Variants in PTPRJ observed in about 807,000 individuals in gnomAD.
The protein encoded by PTPRJ is receptor-type tyrosine-protein phosphatase eta.
Under a neutral mutation model 141.3 loss-of-function variants are expected in PTPRJ, and 129 were observed. That is an observed-to-expected ratio of 0.91 (90% confidence interval 0.79 to 1.06). PTPRJ has a LOEUF of 1.06. Among genes scored for constraint, PTPRJ ranks in the 50% least tolerant of loss-of-function variants. The pLI is 0.00. For missense variants in PTPRJ, 1,601 were observed against 1,679.7 expected (o/e 0.95, Z 0.82); for synonymous variants, 610 against 640.5 (o/e 0.95, Z 0.72).
intron 1 of PTPRJ, among the ~76,000 whole-genome samples, chr11:48,094,285 T>C (rs10742829): frequency 0.71 from 108,046 of 152,098 alleles, 39,890 homozygotes; most frequent in South Asian, 0.84. Context: ...AGAGTGCCAC[T>C]AAGCAACCTT....
At chr11:48,150,484 G>C (rs1180006572) in intron 18 of PTPRJ, among the ~76,000 whole-genome samples, 1 of 152,182 alleles carries the variant, frequency 6.6e-6, no homozygotes, top group Non-Finnish European at 1.5e-5. Context: ...GTCTACCTTG[G>C]ACTACTCCTG....
At chr11:48,028,201 G>A (rs1186155886) in intron 1 of PTPRJ, among the ~76,000 whole-genome samples, 3 of 152,180 alleles carry the variant, frequency 2.0e-5, no homozygotes, top group Non-Finnish European at 2.9e-5. Context: ...ACTGAAAGAC[G>A]TTTCTCTGAC....
Position 47,980,632 on chromosome 11 carries a change from G to C in PTPRJ, c.-281G>C. The C allele has an allele frequency of 5.1e-6, 5 of 983,964 alleles. No individual in the cohort carries two copies. The highest frequency in any genetic ancestry group is 6.0e-6 in the Non-Finnish European group (5 of 829,958). 61.0% of individuals were successfully genotyped at this position (983,964 alleles called of 1,614,324 possible). ...AGCCGGGACCGGGTAGCCGCGCGCT[G>C]GGGGTGGGCGCCGCTCGCTCCGCCC... On this transcript the variant is annotated 5_prime_UTR_variant, in exon 1 of 25. Coordinates refer to ENST00000418331, the MANE Select transcript of PTPRJ (RefSeq NM_002843.4).
At chr11:47,988,428 C>T (rs1854106902) in intron 1 of PTPRJ, among the ~76,000 whole-genome samples, 1 of 151,910 alleles carries the variant, frequency 6.6e-6, no homozygotes, top group South Asian at 2.1e-4. Context: ...TCACTGCAGC[C>T]TCTGCCTCCT....
At chr11:47,996,208 G>A (rs994855208) in intron 1 of PTPRJ, among the ~76,000 whole-genome samples, 1 of 151,760 alleles carries the variant, frequency 6.6e-6, no homozygotes, top group Non-Finnish European at 1.5e-5. Context: ...GGTGGTGGGT[G>A]CATGTAGTCC....
intron 23 of PTPRJ, among the ~76,000 whole-genome samples, chr11:48,163,986 C>A (rs745448530): frequency 6.6e-6 from 1 of 152,158 alleles, no homozygotes; most frequent in Non-Finnish European, 1.5e-5. Context: ...AGTTTGCCAA[C>A]CCCTAACAAT....
At chr11:47,995,303 A>G (rs992440295) in intron 1 of PTPRJ, among the ~76,000 whole-genome samples, 5 of 152,358 alleles carry the variant, frequency 3.3e-5, no homozygotes, top group South Asian at 2.1e-4. Flanking sequence ...ATTTAATCCT[A>G]TGACGTAGGT....
At position 48,136,190 on chromosome 11, in the gene PTPRJ, A is replaced by G; in HGVS notation, c.1767A>G (p.Lys589=). The change falls in exon 9 of 25, where the codon AAA becomes AAG. Residue 589 remains lysine (K), a synonymous_variant. Transcript: ENST00000418331. ...HGSNHTSTYD[K]AITLQGLIPG... ...CTAACCACACAAGCACGTATGACAAAGCGATTACTCTCCAGGGCCTGATTC... is the reference window on the plus strand; with the variant it reads ...CTAACCACACAAGCACGTATGACAAGGCGATTACTCTCCAGGGCCTGATTC... 2.5e-6 allele frequency: 4 copies of G among 1,614,204 alleles called. No homozygotes were observed. The highest frequency in any genetic ancestry group is 2.2e-5 in the South Asian group (2 of 91,088).
intron 4 of PTPRJ, 104 bp downstream of exon 4, chr11:48,121,370 A>G: frequency 7.8e-7 from 1 of 1,277,998 alleles, no homozygotes; most frequent in Admixed American, 2.2e-5. Context: ...AATGGTTTTC[A>G]TAAACTAGAA....
intron 1 of PTPRJ, among the ~76,000 whole-genome samples, chr11:48,040,390 C>A (rs1366794142): frequency 6.6e-6 from 1 of 152,204 alleles, no homozygotes; most frequent in Non-Finnish European, 1.5e-5. Flanking sequence ...ACAGCTTTGA[C>A]AGGGATTCCA....
intron 1 of PTPRJ, among the ~76,000 whole-genome samples, chr11:48,022,207 TA>T (rs34650836): frequency 0.41 from 61,825 of 152,000 alleles, 17,853 homozygotes; most frequent in African/African-American, 0.83. Flanking sequence ...CTCATGCCTG[TA>T]AATCCTAGCA....
intron 1 of PTPRJ, among the ~76,000 whole-genome samples, chr11:48,050,613 A>G (rs1854540470): frequency 6.6e-6 from 1 of 152,072 alleles, no homozygotes; most frequent in African/African-American, 2.4e-5. Context: ...CTGAGCCTTT[A>G]TTTGGAGAGT....
At position 47,980,711 on chromosome 11, in the gene PTPRJ, G is replaced by C; in HGVS notation, c.-202G>C. 1 of 997,640 alleles carries C rather than the reference G, an allele frequency of 1.0e-6. No homozygotes were observed. The highest frequency in any genetic ancestry group is 1.2e-6 in the Non-Finnish European group (1 of 839,682). The allele number at this position is 997,640 out of a possible 1,614,324, so 61.8% of individuals were successfully genotyped here. ...GGCCCCCCCGCGGCAGCCGCGCTAG[G>C]CTCCGGCGTGTGGCCGCGGCCGCCG... On this transcript the variant is annotated 5_prime_UTR_variant, in exon 1 of 25. Transcript: ENST00000418331.
chr11:48,046,574 G>C (rs1370154345), intron 1 of PTPRJ, among the ~76,000 whole-genome samples: 1 of 152,154 alleles, frequency 6.6e-6, no homozygotes, highest in African/African-American at 2.4e-5. Context: ...TGAGAGTCTG[G>C]GGATAAAGAT....
intron 15 of PTPRJ, 119 bp from the exon 16 acceptor site, chr11:48,149,328 T>C: frequency 2.8e-6 from 2 of 719,772 alleles, no homozygotes; most frequent in South Asian, 3.5e-5. Context: ...TGTGAACTAA[T>C]GCCTGAGGAA....
chr11:48,112,629 G>A, intron 2 of PTPRJ, 118 bp from the exon 3 acceptor site: 2 of 755,600 alleles, frequency 2.6e-6, no homozygotes, highest in Non-Finnish European at 4.5e-6. Flanking sequence ...AAGAGAAAGA[G>A]AGGGATCAGT....
At chr11:48,140,137 T>A (rs1459515769) in intron 11 of PTPRJ, among the ~76,000 whole-genome samples, 1 of 152,070 alleles carries the variant, frequency 6.6e-6, no homozygotes, top group Non-Finnish European at 1.5e-5. Flanking sequence ...TGGGTTCAAG[T>A]GATTTTGGTG....
chr11:47,980,599 G>T lies in PTPRJ; in HGVS notation c.-314G>T, dbSNP rs1463152508. 1.0e-5 allele frequency: 10 copies of T among 983,182 alleles called. No individual in the cohort carries two copies. Among genetic ancestry groups the T allele is most frequent in the Admixed American group, 6.2e-5 (1 of 16,048 alleles). The allele number at this position is 983,182 out of a possible 1,614,324, so 60.9% of individuals were successfully genotyped here. A position where few individuals can be genotyped will look rare whatever the true frequency, so the allele number is the denominator to read the frequency against. On this transcript the variant is annotated 5_prime_UTR_variant, in exon 1 of 25. Coordinates refer to ENST00000418331, the MANE Select transcript of PTPRJ (RefSeq NM_002843.4). ...ACGCGCGGAGGAGGCAGCGGGAGCA[G>T]CCGCGGGAGCCGGGACCGGGTAGCC...
In PTPRJ at chr11:48,168,772, T is replaced by C. The variant is rs1857987275; in HGVS notation, c.*1410T>C. The C allele has an allele frequency of 2.0e-5, 3 of 151,538 alleles. No homozygotes were observed. The South Asian group carries it at 6.3e-4, about 32-fold the overall frequency. The allele number at this position is 151,538 out of a possible 1,614,324, so 9.4% of individuals were successfully genotyped here. ...GTATCCACCAAGAATTTCAAATTTATGTGGATTTATTTTATTGGTACATAA... is the reference window on the plus strand; with the variant it reads ...GTATCCACCAAGAATTTCAAATTTACGTGGATTTATTTTATTGGTACATAA... On this transcript the variant is annotated 3_prime_UTR_variant, in exon 25 of 25. Coordinates refer to ENST00000418331, the MANE Select transcript of PTPRJ (RefSeq NM_002843.4).
Sources: gnomAD v4.1 joint callset for allele counts (sites outside exome capture counted in the v4.1 genomes callset) on GRCh38, gnomAD v4.1.1 for gene constraint, MANE v1.5 for transcripts, NCBI Gene and HGNC (gene_info 2026-07-23, HGNC 2026-07-21) for gene names.